Variants in TYW1B observed in about 807,000 individuals in gnomAD.
TYW1B encodes the protein S-adenosyl-L-methionine-dependent tRNA 4-demethylwyosine synthase TYW1B.
Under a neutral mutation model 86.9 loss-of-function variants are expected in TYW1B, and 73 were observed. The observed-to-expected ratio is 0.84, with a 90% CI of 0.70 to 1.02. The LOEUF (loss-of-function observed/expected upper bound fraction) is 1.02. Ranked by LOEUF, TYW1B falls within the 50% of genes least tolerant of loss-of-function variation. The pLI, the probability that TYW1B is intolerant of heterozygous loss-of-function variation, is 0.00. For missense variants in TYW1B, 637 were observed against 827.4 expected, an observed-to-expected ratio of 0.77 and a Z score of 2.82; for synonymous variants, 248 against 292.8, an observed-to-expected ratio of 0.85 and a Z score of 1.56.
intron 7 of TYW1B, among the ~76,000 whole-genome samples, chr7:72,745,689 A>T (rs1787380748): frequency 1.3e-5 from 2 of 151,938 alleles, no homozygotes; most frequent in Admixed American, 6.6e-5. Context: ...TAAAGAAGTG[A>T]AATCAATGTC....
intron 11 of TYW1B, among the ~76,000 whole-genome samples, chr7:72,661,146 AAG>A (rs1187009546): frequency 3.4e-5 from 5 of 149,180 alleles, no homozygotes; most frequent in Admixed American, 6.8e-5. Flanking sequence ...AAAAAAAAAA[AAG>A]AAGAAGAAGA....
intron 11 of TYW1B, among the ~76,000 whole-genome samples, chr7:72,683,883 T>A (rs1388489357): frequency 1.3e-5 from 2 of 151,818 alleles, no homozygotes; most frequent in Non-Finnish European, 2.9e-5. Flanking sequence ...TAAACAGAGA[T>A]CAAAATCCTA....
intron 6 of TYW1B, among the ~76,000 whole-genome samples, chr7:72,778,187 T>C (rs1311322862): frequency 2.6e-5 from 4 of 152,154 alleles, no homozygotes; most frequent in African/African-American, 9.7e-5. Context: ...TTGTTTATTT[T>C]CTCTGAATTT....
At chr7:72,803,775 G>A (rs1788446828) in intron 5 of TYW1B, among the ~76,000 whole-genome samples, 2 of 151,528 alleles carry the variant, frequency 1.3e-5, no homozygotes, top group African/African-American at 2.4e-5. Flanking sequence ...CATCACACCC[G>A]GCTAATTTTT....
At chr7:72,652,203 C>A (rs1181543541) in intron 11 of TYW1B, among the ~76,000 whole-genome samples, 1 of 151,652 alleles carries the variant, frequency 6.6e-6, no homozygotes, top group Non-Finnish European at 1.5e-5. Flanking sequence ...AGTGAAACCC[C>A]GCCTCTACTA....
At chr7:72,826,549 A>G (rs188369168) in intron 2 of TYW1B, among the ~76,000 whole-genome samples, 5 of 152,302 alleles carry the variant, frequency 3.3e-5, no homozygotes, top group African/African-American at 1.2e-4. Flanking sequence ...TCCTTAATTA[A>G]TGGAAAGAGA....
chr7:72,820,217 G>C (rs1554480201), intron 2 of TYW1B, among the ~76,000 whole-genome samples: 2 of 152,192 alleles, frequency 1.3e-5, no homozygotes, highest in Non-Finnish European at 2.9e-5. Flanking sequence ...GAAGGTTGCA[G>C]TGAGCTGAGA....
intron 3 of TYW1B, among the ~76,000 whole-genome samples, chr7:72,814,259 G>A (rs1392801524): frequency 2.0e-5 from 3 of 152,008 alleles, no homozygotes; most frequent in Admixed American, 6.6e-5. Flanking sequence ...TTCCAGACCC[G>A]CCTGGGCAAC....
chr7:72,723,985 T>A (rs1459122680), intron 9 of TYW1B, among the ~76,000 whole-genome samples: 1 of 76,014 alleles, frequency 1.3e-5, no homozygotes, highest in Non-Finnish European at 3.6e-5. Context: ...CTTTACTAAT[T>A]AGGGTTTTTT....
Position 72,807,214 on chromosome 7 carries a change from G to A in TYW1B, c.575C>T (p.Ser192Phe), listed in dbSNP as rs781973351. 5.6e-6 allele frequency: 9 copies of A among 1,614,108 alleles called. No homozygotes were observed. Among genetic ancestry groups the A allele is most frequent in the Non-Finnish European group, 7.6e-6 (9 of 1,180,020 alleles). The part of the protein sequence containing the change: ...NFRAWKTKFI[S>F]QLQALQKGER... Reference sequence around the variant, plus strand: ...CCCTTTCTGAAGTGCCTGCAGCTGGGAGATGAACTTGGTCTTCCATGCTCT... The same window carrying A: ...CCCTTTCTGAAGTGCCTGCAGCTGGAAGATGAACTTGGTCTTCCATGCTCT... Residue 192 changes from serine (S) to phenylalanine (F), a missense_variant, in exon 5 of 14, where the codon TCC becomes TTC. Coordinates refer to ENST00000620995, the MANE Select transcript of TYW1B (RefSeq NM_001145440.3).
chr7:72,683,317 C>T (rs1296786002), intron 11 of TYW1B, among the ~76,000 whole-genome samples: 1 of 152,200 alleles, frequency 6.6e-6, no homozygotes, highest in Non-Finnish European at 1.5e-5. Flanking sequence ...CACCTGTAAT[C>T]CCAGCACTTT....
chr7:72,665,935 T>C (rs1258110561), intron 11 of TYW1B, among the ~76,000 whole-genome samples: 2 of 152,054 alleles, frequency 1.3e-5, no homozygotes, highest in African/African-American at 4.8e-5. Context: ...AAAATAAAAA[T>C]ACAAGGGAAA....
At chr7:72,691,388 G>A in intron 11 of TYW1B, among the ~76,000 whole-genome samples, 1 of 152,168 alleles carries the variant, frequency 6.6e-6, no homozygotes, top group South Asian at 2.1e-4. Context: ...GAATTACATA[G>A]AGACAATAAT....
intron 13 of TYW1B, among the ~76,000 whole-genome samples, chr7:72,595,182 G>A (rs1228847314): frequency 6.6e-6 from 1 of 152,186 alleles, no homozygotes; most frequent in African/African-American, 2.4e-5. Flanking sequence ...CCAAATTGGA[G>A]AGGAAAAAGT....
chr7:72,814,154 T>C (rs1176583642), intron 3 of TYW1B, among the ~76,000 whole-genome samples: 12 of 152,072 alleles, frequency 7.9e-5, no homozygotes, highest in African/African-American at 2.4e-4. Flanking sequence ...CACACTGCCA[T>C]CAATAACAAC....
chr7:72,667,173 G>A (rs1242734650), intron 11 of TYW1B, among the ~76,000 whole-genome samples: 6 of 152,076 alleles, frequency 3.9e-5, no homozygotes. Flanking sequence ...TGCTCAGGAT[G>A]GGAAAGTGGC....
intron 11 of TYW1B, among the ~76,000 whole-genome samples, chr7:72,650,673 C>CA: frequency 6.6e-6 from 1 of 152,098 alleles, no homozygotes; most frequent in Non-Finnish European, 1.5e-5. Flanking sequence ...AGCTCCTGGC[C>CA]AGGAATTGGA....
At chr7:72,789,204 G>A (rs1554473013) in intron 6 of TYW1B, among the ~76,000 whole-genome samples, 2 of 151,740 alleles carry the variant, frequency 1.3e-5, no homozygotes, top group Non-Finnish European at 2.9e-5. Flanking sequence ...CGTAATCTAG[G>A]CTCACTGCAA....
At chr7:72,653,429 AC>A (rs1813112376) in intron 11 of TYW1B, among the ~76,000 whole-genome samples, 1 of 151,768 alleles carries the variant, frequency 6.6e-6, no homozygotes, top group South Asian at 2.1e-4. Context: ...ACACAGTGAA[AC>A]CCCCGTCTCT....
Sources: allele counts gnomAD v4.1 joint callset (sites outside exome capture counted in the v4.1 genomes callset), GRCh38; gene constraint gnomAD v4.1.1; transcripts MANE v1.5; gene names NCBI Gene and HGNC (gene_info 2026-07-23, HGNC 2026-07-21).